Variants in NCAPG2 observed in about 807,000 individuals in gnomAD.
NCAPG2 encodes the protein non-SMC condensin II complex subunit G2.
Under a neutral mutation model 141.1 loss-of-function variants are expected in NCAPG2, and 53 were observed. The observed-to-expected ratio is 0.38, with a 90% CI of 0.30 to 0.47. The LOEUF (loss-of-function observed/expected upper bound fraction) is 0.47. NCAPG2 is among the 20% of genes least tolerant of loss of function. The pLI, the probability that NCAPG2 is intolerant of heterozygous loss-of-function variation, is 0.99. For synonymous variants in NCAPG2, 499 were observed against 490.7 expected (o/e 1.02, Z -0.22); for missense variants, 1,087 against 1,389.0 (o/e 0.78, Z 3.46).
At position 158,655,387 on chromosome 7, in the gene NCAPG2, C is replaced by A. The variant is rs374828432; in HGVS notation, c.2457G>T (p.Pro819=). ...GGCGACAGTGGAGACCAAAGGCTCG[C>A]GGGGCAGCTGCTTCACTGAAGCCAC... ...KPRGFSEAAA[P]RAFGLHCRLS... Residue 819 remains proline (P), a synonymous_variant, in exon 20 of 28, where the codon CCG becomes CCT. Coordinates refer to ENST00000356309, the MANE Select transcript of NCAPG2 (RefSeq NM_017760.7). 8.7e-6 allele frequency: 14 copies of A among 1,614,054 alleles called. No individual in the cohort carries two copies. The highest frequency in any genetic ancestry group is 1.1e-5 in the Non-Finnish European group (13 of 1,180,050).
intron 27 of NCAPG2, among the ~76,000 whole-genome samples, chr7:158,643,043 A>G (rs1414577418): frequency 6.6e-6 from 1 of 152,042 alleles, no homozygotes; most frequent in Non-Finnish European, 1.5e-5. Flanking sequence ...GCTCACTGCA[A>G]CCTCCACCTC....
Position 158,656,677 on chromosome 7 carries a change from G to C in NCAPG2, c.2089C>G (p.Arg697Gly). 6.2e-7 allele frequency: 1 copy of C among 1,614,010 alleles called. No homozygotes were observed. The highest frequency in any genetic ancestry group is 1.7e-5 in the Admixed American group (1 of 60,000). The change falls in exon 18 of 28, where the codon CGG becomes GGG. Residue 697 changes from arginine to glycine, a missense_variant. Coordinates refer to ENST00000356309, the MANE Select transcript of NCAPG2 (RefSeq NM_017760.7). ...CTCTTGTCCACAGCGCCCTCCTCCC[G>C]GCTTCTCAGCGTGGAAATCACACCA... Reference protein sequence around the residue: ...SCGVISTLRSREEGAVDKSYC... With the variant: ...SCGVISTLRSGEEGAVDKSYC...
At chr7:158,659,067 C>T (rs1304938076) in intron 16 of NCAPG2, among the ~76,000 whole-genome samples, 2 of 149,636 alleles carry the variant, frequency 1.3e-5, no homozygotes, top group African/African-American at 4.9e-5. Flanking sequence ...CAGTGGCTCA[C>T]CCCTGTAATC....
intron 2 of NCAPG2, among the ~76,000 whole-genome samples, chr7:158,698,873 A>G (rs935771776): frequency 6.6e-6 from 1 of 151,320 alleles, no homozygotes; most frequent in African/African-American, 2.4e-5. Context: ...GTAGCCTCAA[A>G]CTCCTGGGCT....
At chr7:158,697,645 T>A (rs1835539934) in intron 2 of NCAPG2, among the ~76,000 whole-genome samples, 1 of 145,770 alleles carries the variant, frequency 6.9e-6, no homozygotes, top group Non-Finnish European at 1.5e-5. Flanking sequence ...AGCTATCAAA[T>A]AGGGGTATAA....
chr7:158,703,981 C>G (rs1835975164), intron 1 of NCAPG2, among the ~76,000 whole-genome samples: 1 of 152,082 alleles, frequency 6.6e-6, no homozygotes, highest in South Asian at 2.1e-4. Context: ...GGGCAGTTCC[C>G]ATGCCCAGGA....
chr7:158,657,562 C>T (rs554270566), intron 17 of NCAPG2, among the ~76,000 whole-genome samples: 13 of 152,328 alleles, frequency 8.5e-5, no homozygotes, highest in Non-Finnish European at 1.6e-4. Context: ...CCAGCCGCCC[C>T]GTCCGGGAGG....
rs5888768 is a variant in NCAPG2 at position 158,698,787 on chromosome 7, A to ATTT, written c.78+3032_78+3034dup. On this transcript the variant is annotated intron_variant, in intron 2 of 27. Transcript: ENST00000356309. The stretch of plus-strand genomic sequence containing the variant: ...CACTTGCTTTATCAGTAGTAGTAGT[A>ATTT]TTTTTTTTTTTTTTTTGAGACAGGG... 6.3e-3 allele frequency among the ~76,000 whole-genome samples: 896 copies of ATTT among 143,228 alleles called. 13 individuals are homozygous for ATTT. Among genetic ancestry groups the ATTT allele is most frequent in the African/African-American group, 0.021 (825 of 38,616 alleles). 94.0% of individuals were successfully genotyped at this position (143,228 alleles called of 152,430 possible).
chr7:158,657,357 G>A (rs546712904), intron 17 of NCAPG2, among the ~76,000 whole-genome samples: 1 of 152,308 alleles, frequency 6.6e-6, no homozygotes, highest in South Asian at 2.1e-4. Context: ...CAAAGCCCAG[G>A]TGCTCAGGGC....
chr7:158,686,148 T>C, intron 8 of NCAPG2, 24 bp downstream of exon 8: 1 of 1,408,448 alleles, frequency 7.1e-7, no homozygotes, highest in South Asian at 1.3e-5. Context: ...AAATAAGTGT[T>C]AACATTTAAA....
chr7:158,667,347 TCCTTAGCC>T, intron 13 of NCAPG2: 42 of 133,128 alleles, frequency 3.2e-4, no homozygotes, highest in South Asian at 7.2e-4. Context: ...GTCCCTCCGC[TCCTTAGCC>T]ACTACCGGAT....
chr7:158,648,519 T>C (rs73165312), intron 24 of NCAPG2, among the ~76,000 whole-genome samples: 50,737 of 102,256 alleles, frequency 0.5, 12,913 homozygotes, highest in Non-Finnish European at 0.55. Flanking sequence ...GAATGGACTA[T>C]AACCACGCCA....
Position 158,675,613 on chromosome 7 carries a change from A to T in NCAPG2, c.1190T>A (p.Ile397Asn), listed in dbSNP as rs1256971297. The T allele has an allele frequency of 6.2e-7, 1 of 1,613,680 alleles. No homozygotes were observed. Among genetic ancestry groups the T allele is most frequent in the Non-Finnish European group, 8.5e-7 (1 of 1,179,976 alleles). Reference protein sequence around the residue: ...DPYPMVRSTGILGVCKITSKY... With the variant: ...DPYPMVRSTGNLGVCKITSKY... ...AGAAGTTATTTTACAAACACCAAGGATCCCTGTGGAACGGACCATCGGGTA... is the reference window on the plus strand; with the variant it reads ...AGAAGTTATTTTACAAACACCAAGGTTCCCTGTGGAACGGACCATCGGGTA... Residue 397 changes from isoleucine (I) to asparagine (N), a missense_variant, in exon 12 of 28, where the codon ATC (isoleucine) becomes AAC (asparagine). Physicochemically the swap from Ile to Asn is moderately radical, Grantham distance 149. Transcript: ENST00000356309.
intron 13 of NCAPG2, chr7:158,668,394 A>G: frequency 1.0e-6 from 1 of 980,684 alleles, no homozygotes; most frequent in Non-Finnish European, 1.2e-6. Context: ...CGCCCTCCTT[A>G]CCTATTACTG....
In NCAPG2 at chr7:158,686,231, C is replaced by A. The variant is rs760565283; in HGVS notation, c.778G>T (p.Val260Leu). ...QLQGLQKSLM[V>L]YIAEIYFRAW... is the part of the protein sequence containing the mutation. Reference sequence around the variant, plus strand: ...CTGAAATAAATTTCTGCAATGTATACCATCAAAGACCTATATAAAAAGATC... The same window carrying A: ...CTGAAATAAATTTCTGCAATGTATAACATCAAAGACCTATATAAAAAGATC... The change falls in exon 8 of 28, where the codon GTA becomes TTA. Residue 260 changes from valine to leucine, a missense_variant. Physicochemically the swap from Val to Leu is conservative, Grantham distance 32 (BLOSUM62 1). Transcript: ENST00000356309. 1 of 1,548,704 alleles carries A rather than the reference C, an allele frequency of 6.5e-7. No individual in the cohort carries two copies. Among genetic ancestry groups the A allele is most frequent in the Non-Finnish European group, 8.7e-7 (1 of 1,142,918 alleles).
Position 158,689,887 on chromosome 7 carries a change from C to G in NCAPG2, c.604G>C (p.Glu202Gln). The change falls in exon 6 of 28, where the codon GAA (glutamate) becomes CAA (glutamine). Residue 202 changes from glutamate (E) to glutamine (Q), a missense_variant. Glu to Gln is a conservative substitution (Grantham distance 29, BLOSUM62 2). Transcript: ENST00000356309. ...ALYCFDYDLE[E>Q]SGEIKDMLLE... ...AACATATCTTTAATTTCTCCACTTTCCTCCAAATCATAATCAAAGCAATAT... is the reference window on the plus strand; with the variant it reads ...AACATATCTTTAATTTCTCCACTTTGCTCCAAATCATAATCAAAGCAATAT... The G allele has an allele frequency of 1.2e-6, 2 of 1,605,818 alleles. No individual in the cohort carries two copies. Among genetic ancestry groups the G allele is most frequent in the Non-Finnish European group, 1.7e-6 (2 of 1,175,004 alleles).
intron 2 of NCAPG2, among the ~76,000 whole-genome samples, chr7:158,701,181 A>T (rs148560724): frequency 2.1e-4 from 32 of 152,280 alleles, no homozygotes; most frequent in African/African-American, 7.5e-4. Context: ...AATCAGTCCA[A>T]TAGTGCCATC....
At chr7:158,655,750 C>CCTCCCCATCTGCCCTGCACGCAG (rs1831921437) in intron 19 of NCAPG2, among the ~76,000 whole-genome samples, 1 of 151,344 alleles carries the variant, frequency 6.6e-6, no homozygotes, top group Non-Finnish European at 1.5e-5. Flanking sequence ...CTGCCTGGCT[C>CCTCCCCATCTGCCCTGCACGCAG]CACTCTGCTG....
At chr7:158,637,083 G>A (rs1031610448) in intron 27 of NCAPG2, among the ~76,000 whole-genome samples, 4 of 152,014 alleles carry the variant, frequency 2.6e-5, no homozygotes, top group Admixed American at 6.6e-5. Flanking sequence ...GAGCAGCTGG[G>A]ACTACAGGCG....
Sources: gnomAD v4.1 joint callset for allele counts (sites outside exome capture counted in the v4.1 genomes callset) on GRCh38, gnomAD v4.1.1 for gene constraint, MANE v1.5 for transcripts, NCBI Gene and HGNC (gene_info 2026-07-23, HGNC 2026-07-21) for gene names.